Variants in NEB observed in about 807,000 individuals in gnomAD.
The protein encoded by NEB is nebulin, also known as nemaline myopathy type 2.
A neutral mutation model predicts 952.2 loss-of-function variants in NEB; 512 were observed. The observed-to-expected ratio is 0.54, with a 90% CI of 0.50 to 0.58. The LOEUF (loss-of-function observed/expected upper bound fraction) is 0.58, where lower values mean the gene tolerates loss of function less well. Among genes scored for constraint, NEB ranks in the 20% least tolerant of loss-of-function variants. NEB has a pLI of 0.00. For synonymous variants in NEB, 2,900 were observed against 3,149.8 expected, an observed-to-expected ratio of 0.92 and a Z score of 2.66; for missense variants, 8,428 against 9,231.1, an observed-to-expected ratio of 0.91 and a Z score of 3.56.
At chr2:151,543,543 A>G (rs949251787) in intron 135 of NEB, among the ~76,000 whole-genome samples, 7 of 152,222 alleles carry the variant, frequency 4.6e-5, no homozygotes, top group African/African-American at 1.7e-4. Flanking sequence ...AGTTTAGGAA[A>G]TTAGGGTGCT....
At chr2:151,649,122 G>A (rs1056722409) in intron 54 of NEB, among the ~76,000 whole-genome samples, 1 of 152,116 alleles carries the variant, frequency 6.6e-6, no homozygotes, top group African/African-American at 2.4e-5. Flanking sequence ...ATTCCAACAA[G>A]GGGGAAACAT....
intron 165 of NEB, among the ~76,000 whole-genome samples, 184 bp downstream of exon 165, chr2:151,505,294 A>G (rs1442225535): frequency 6.6e-6 from 1 of 152,178 alleles, no homozygotes; most frequent in Non-Finnish European, 1.5e-5. Context: ...CTCCTTGATT[A>G]TGAGAAAAGT....
At chr2:151,547,795 C>T in intron 131 of NEB, 57 bp from the exon 132 acceptor site, 1 of 1,156,746 alleles carries the variant, frequency 8.6e-7, no homozygotes, top group Non-Finnish European at 1.3e-6. Context: ...AGGGCATCTA[C>T]TGACTAATCA....
At position 151,643,268 on chromosome 2, in the gene NEB, G is replaced by A. The variant is rs765394821; in HGVS notation, c.8042C>T (p.Ala2681Val). ...GSLEDEKNKR[A>V]TQILSDHVYR... ...AACATGGTCACTCAAAATCTGGGTG[G>A]CTCGTTTATTTTTCTCATCCTCGAG... The change falls in exon 58 of 182, where the codon GCC becomes GTC. Residue 2681 changes from alanine (A) to valine (V), a missense_variant. Ala to Val is a moderately conservative substitution (Grantham distance 64, BLOSUM62 0). Around this residue, in one of 11 missense-constraint regions of NEB, gnomAD observed 1,772 missense variants for 1,960.3 expected, o/e 0.90. Coordinates refer to ENST00000397345, the MANE Select transcript of NEB (RefSeq NM_001164508.2). The A allele has an allele frequency of 2.5e-6, 4 of 1,613,720 alleles. No individual in the cohort carries two copies. The African/African-American group carries it at 5.3e-5, about 22-fold the overall frequency.
In NEB at chr2:151,493,863, A is replaced by AATT; in HGVS notation, c.24583_24584insAAT (p.Val8194_Leu8195insTer). ...TGCTTTCCCCAGGTTCTCTTTGTAT[A>AATT]ACACCTGTGAGATACAAAGTCATGC... On this transcript the variant is annotated stop_gained, in exon 175 of 182. Transcript: ENST00000397345. LOFTEE classifies it high-confidence loss of function. 1 of 1,543,568 alleles carries AATT rather than the reference A, an allele frequency of 6.5e-7. No individual in the cohort carries two copies. Among genetic ancestry groups the AATT allele is most frequent in the Non-Finnish European group, 8.8e-7 (1 of 1,140,876 alleles).
intron 45 of NEB, 99 bp from the exon 46 acceptor site, chr2:151,662,440 AT>A (rs746145524): frequency 5.9e-5 from 64 of 1,082,562 alleles, no homozygotes; most frequent in Non-Finnish European, 7.8e-5. Flanking sequence ...TCATTTGTAA[AT>A]TTTCTGTAAC....
At chr2:151,522,819 C>T (rs2082809002) in intron 153 of NEB, among the ~76,000 whole-genome samples, 1 of 152,156 alleles carries the variant, frequency 6.6e-6, no homozygotes, top group African/African-American at 2.4e-5. Context: ...TCTCCTTTGG[C>T]CTTTGAGGTA....
intron 153 of NEB, chr2:151,520,043 A>C (rs571821120): frequency 2.5e-4 from 54 of 218,740 alleles, no homozygotes; most frequent in East Asian, 1.9e-3. Context: ...GCAAAACAAA[A>C]AAAAAAAAAA....
At chr2:151,621,057 A>G (rs1560543719) in intron 71 of NEB, 31 bp from the exon 72 acceptor site, 1 of 1,523,558 alleles carries the variant, frequency 6.6e-7, no homozygotes, top group African/African-American at 1.4e-5. Flanking sequence ...TTTTAAATAT[A>G]GAATTCACAT....
At chr2:151,613,681 T>C (rs1294147705) in intron 77 of NEB, among the ~76,000 whole-genome samples, 2 of 152,174 alleles carry the variant, frequency 1.3e-5, no homozygotes, top group Admixed American at 6.6e-5. Context: ...TGGGAGGTGA[T>C]TGGACTTCCC....
chr2:151,635,549 A>T (rs1008500988), intron 64 of NEB, among the ~76,000 whole-genome samples: 9 of 152,162 alleles, frequency 5.9e-5, no homozygotes, highest in Middle Eastern at 3.4e-3. Context: ...TCTACTAAAA[A>T]TACAAAAAAT....
chr2:151,718,728 C>T (rs531829566), intron 9 of NEB, among the ~76,000 whole-genome samples: 5 of 152,302 alleles, frequency 3.3e-5, no homozygotes, highest in African/African-American at 1.2e-4. Flanking sequence ...CCCAAACTCT[C>T]CTTCTTCATT....
At chr2:151,496,447 C>T (rs1171843242) in intron 172 of NEB, 79 bp from the exon 173 acceptor site, 7 of 1,498,290 alleles carry the variant, frequency 4.7e-6, no homozygotes, top group Admixed American at 2.3e-5. Context: ...GTAAGGTCAA[C>T]TTCCTTGTTA....
chr2:151,710,776 T>A (rs966549572), intron 10 of NEB, among the ~76,000 whole-genome samples: 2 of 152,090 alleles, frequency 1.3e-5, no homozygotes, highest in Non-Finnish European at 2.9e-5. Flanking sequence ...CCTTGCTGAG[T>A]TTGGGGACTT....
Position 151,485,468 on chromosome 2 carries a change from T to C in NEB, c.*292A>G. ...GGTGAACATCTCTGCTATTTTTCCT[T>C]TAATGTGTTTGGCATATTCAAAATC... On this transcript the variant is annotated 3_prime_UTR_variant, in exon 182 of 182. Transcript: ENST00000397345. The C allele has an allele frequency of 4.0e-6, 1 of 251,050 alleles. No individual in the cohort carries two copies. The highest frequency in any genetic ancestry group is 7.5e-6 in the Non-Finnish European group (1 of 132,506). 15.6% of individuals were successfully genotyped at this position (251,050 alleles called of 1,614,324 possible). A position where few individuals can be genotyped will look rare whatever the true frequency, so the allele number is the denominator to read the frequency against.
intron 75 of NEB, 25 bp from the exon 76 acceptor site, chr2:151,616,134 A>C (rs769350988): frequency 1.3e-5 from 19 of 1,462,748 alleles, no homozygotes; most frequent in Non-Finnish European, 1.8e-5. Flanking sequence ...GTCATTACTC[A>C]TTTACTCCTT....
At chr2:151,501,555 C>A (rs2064579259) in intron 167 of NEB, 72 bp from the exon 168 acceptor site, 2 of 804,760 alleles carry the variant, frequency 2.5e-6, no homozygotes, top group East Asian at 3.0e-5. Context: ...CCTAAAAAAA[C>A]AGCCTAAAAG....
intron 138 of NEB, 64 bp downstream of exon 138, chr2:151,540,280 T>C: frequency 1.0e-6 from 1 of 959,722 alleles, no homozygotes; most frequent in South Asian, 1.7e-5. Context: ...TATGTTATGT[T>C]TCTTAGGTAC....
rs770452299 is a variant in NEB at position 151,518,300 on chromosome 2, C to T, written c.22800+18G>A. 3.9e-6 allele frequency: 6 copies of T among 1,532,498 alleles called. No homozygotes were observed. The highest frequency in any genetic ancestry group is 2.3e-5 in the East Asian group (1 of 44,434). The allele number at this position is 1,532,498 out of a possible 1,614,324, so 94.9% of individuals were successfully genotyped here. Reference sequence around the variant, plus strand: ...GATGAATGTGCGCCAGAGGAAAAATCGGTCTTGATCCACTTACTATACTCT... The same window carrying T: ...GATGAATGTGCGCCAGAGGAAAAATTGGTCTTGATCCACTTACTATACTCT... On this transcript the variant is annotated intron_variant, in intron 156 of 181. Transcript: ENST00000397345.
Sources: allele counts gnomAD v4.1 joint callset (sites outside exome capture counted in the v4.1 genomes callset), GRCh38; gene constraint gnomAD v4.1.1; regional missense constraint gnomAD v4.1.1; transcripts MANE v1.5; gene names NCBI Gene and HGNC (gene_info 2026-07-23, HGNC 2026-07-21).